The following CTNNA2 variants were observed in gnomAD, a reference collection of about 807,000 sequenced individuals.
CTNNA2 encodes the protein catenin alpha-2.
CTNNA2 carries 42 observed loss-of-function variants against 101.0 expected under a neutral mutation model. The ratio of observed to expected loss-of-function variants is 0.42; its 90% confidence interval spans 0.32 to 0.54. The LOEUF (loss-of-function observed/expected upper bound fraction) is 0.54. Ranked by LOEUF, CTNNA2 falls within the 20% of genes least tolerant of loss-of-function variation. The pLI is 0.14. For synonymous variants in CTNNA2, 450 were observed against 456.4 expected, an observed-to-expected ratio of 0.99 and a Z score of 0.18; for missense variants, 871 against 1,223.1, an observed-to-expected ratio of 0.71 and a Z score of 4.29.
At chr2:79,968,857 G>T (rs996675325) in intron 7 of CTNNA2, among the ~76,000 whole-genome samples, 3 of 150,304 alleles carry the variant, frequency 2.0e-5, no homozygotes, top group African/African-American at 7.4e-5. Context: ...GAATCCCTTC[G>T]TTGCTCCAGT....
chr2:79,619,277 G>A (rs1299693998), intron 1 of CTNNA2, among the ~76,000 whole-genome samples: 3 of 152,188 alleles, frequency 2.0e-5, no homozygotes, highest in African/African-American at 7.2e-5. Flanking sequence ...TCCTTATGTG[G>A]TGGTGGGAAA....
intron 1 of CTNNA2, among the ~76,000 whole-genome samples, chr2:79,561,842 T>C (rs546936226): frequency 2.0e-3 from 306 of 152,064 alleles, no homozygotes; most frequent in African/African-American, 7.0e-3. Context: ...TAGTTTTTTA[T>C]ATATTCTGGA....
intron 4 of CTNNA2, among the ~76,000 whole-genome samples, chr2:79,449,491 T>G (rs1302239656): frequency 6.6e-6 from 1 of 151,944 alleles, no homozygotes; most frequent in African/African-American, 2.4e-5. Flanking sequence ...CAAGAAATAC[T>G]CATTCAAATA....
chr2:79,656,399 C>T (rs1681615411), intron 2 of CTNNA2, among the ~76,000 whole-genome samples: 1 of 151,994 alleles, frequency 6.6e-6, no homozygotes, highest in East Asian at 1.9e-4. Context: ...AAATTCATAG[C>T]AATATGCAAT....
Position 80,302,177 on chromosome 2 carries a change from G to A in CTNNA2, c.1057-91034G>A. On this transcript the variant is annotated intron_variant, in intron 7 of 18. Transcript: ENST00000402739. This position sits in a 1 kb window ranked among gnomAD's most constrained non-coding sequence, Gnocchi z 6.4. Reference sequence around the variant, plus strand: ...TCAGAGCACAGACAAGGAGACCCCAGCCTGGTGCCCGCCGGCCCGTCCCGG... The same window carrying A: ...TCAGAGCACAGACAAGGAGACCCCAACCTGGTGCCCGCCGGCCCGTCCCGG... The A allele has an allele frequency of 6.5e-7, 1 of 1,549,090 alleles. No individual in the cohort carries two copies. Among genetic ancestry groups the A allele is most frequent in the Non-Finnish European group, 8.7e-7 (1 of 1,146,900 alleles).
At chr2:79,301,269 A>G (rs1156885019) in intron 2 of CTNNA2, among the ~76,000 whole-genome samples, 1 of 152,196 alleles carries the variant, frequency 6.6e-6, no homozygotes, top group East Asian at 1.9e-4. Context: ...GAAGGCAGAG[A>G]TTCATTCACC....
chr2:79,864,694 T>C (rs1192296146), intron 4 of CTNNA2, among the ~76,000 whole-genome samples: 1 of 152,174 alleles, frequency 6.6e-6, no homozygotes, highest in Non-Finnish European at 1.5e-5. Flanking sequence ...GAATAGAACT[T>C]GGAGACCAAT....
intron 4 of CTNNA2, among the ~76,000 whole-genome samples, chr2:79,867,591 A>G (rs1368023464): frequency 1.3e-5 from 2 of 152,184 alleles, no homozygotes; most frequent in Non-Finnish European, 2.9e-5. Context: ...TTACCTTTAC[A>G]CGGAAAGACC....
intron 7 of CTNNA2, among the ~76,000 whole-genome samples, chr2:79,921,298 G>C (rs943494752): frequency 4.6e-5 from 7 of 152,108 alleles, no homozygotes; most frequent in Non-Finnish European, 7.4e-5. Flanking sequence ...GTTAAAAACG[G>C]GGTTTCTTTT....
chr2:80,551,538 C>T (rs776852493), intron 11 of CTNNA2, among the ~76,000 whole-genome samples: 13 of 152,232 alleles, frequency 8.5e-5, no homozygotes, highest in Non-Finnish European at 1.8e-4. Flanking sequence ...TACATCAGCA[C>T]TTGCTGGTTT....
intron 7 of CTNNA2, among the ~76,000 whole-genome samples, chr2:80,245,985 G>A (rs939199276): frequency 9.9e-5 from 15 of 151,514 alleles, no homozygotes; most frequent in African/African-American, 2.4e-4. Context: ...TAGTAGAGAC[G>A]GGGTGTCACC....
intron 4 of CTNNA2, among the ~76,000 whole-genome samples, chr2:79,415,780 A>T (rs1036863665): frequency 7.2e-5 from 11 of 152,060 alleles, no homozygotes; most frequent in East Asian, 3.9e-4. Flanking sequence ...ATCAAATATG[A>T]TCCTCACCGT....
chr2:80,387,529 G>A (rs908334160), intron 7 of CTNNA2, among the ~76,000 whole-genome samples: 20 of 152,140 alleles, frequency 1.3e-4, no homozygotes, highest in Non-Finnish European at 2.1e-4. Context: ...AAGGGGCAAA[G>A]AGCAGTGTTA....
At chr2:80,618,010 G>T (rs1022095760) in intron 17 of CTNNA2, among the ~76,000 whole-genome samples, 19 of 151,820 alleles carry the variant, frequency 1.3e-4, no homozygotes, top group African/African-American at 4.3e-4. Flanking sequence ...TTATGTGGAT[G>T]GTTTCAGGAT....
At chr2:79,999,761 G>A (rs150752066) in intron 7 of CTNNA2, among the ~76,000 whole-genome samples, 2 of 152,168 alleles carry the variant, frequency 1.3e-5, no homozygotes, top group African/African-American at 2.4e-5. Context: ...ATCAAAGCCC[G>A]TGCTCTGTTA....
chr2:79,274,468 T>A (rs1675162078), intron 2 of CTNNA2, among the ~76,000 whole-genome samples: 1 of 152,076 alleles, frequency 6.6e-6, no homozygotes, highest in Non-Finnish European at 1.5e-5. Context: ...CCACAGGAAT[T>A]CTTCTACTAT....
At chr2:79,755,147 A>G (rs1166769815) in intron 3 of CTNNA2, among the ~76,000 whole-genome samples, 2 of 152,062 alleles carry the variant, frequency 1.3e-5, no homozygotes, top group Non-Finnish European at 2.9e-5. Flanking sequence ...CAAGATAGCA[A>G]GACCCCCATC....
chr2:79,937,082 T>C (rs1192193294), intron 7 of CTNNA2, among the ~76,000 whole-genome samples: 1 of 152,240 alleles, frequency 6.6e-6, no homozygotes, highest in Non-Finnish European at 1.5e-5. Context: ...TAAATATTCT[T>C]CCCAATGGAA....
At chr2:80,002,249 G>T (rs1431543396) in intron 7 of CTNNA2, among the ~76,000 whole-genome samples, 1 of 152,162 alleles carries the variant, frequency 6.6e-6, no homozygotes, top group African/African-American at 2.4e-5. Flanking sequence ...TAATGCCTAA[G>T]CATTGATTTA....
Sources: allele counts gnomAD v4.1 joint callset (sites outside exome capture counted in the v4.1 genomes callset), GRCh38; gene constraint gnomAD v4.1.1; non-coding constraint Gnocchi (gnomAD v3.1); transcripts MANE v1.5; gene names NCBI Gene and HGNC (gene_info 2026-07-23, HGNC 2026-07-21).